NOS1AP: variants seen among roughly 807,000 people sequenced by gnomAD.
The protein encoded by NOS1AP is nitric oxide synthase 1 adaptor protein.
In NOS1AP, 21 loss-of-function variants were observed where a neutral mutation model predicts 56.2. That is an observed-to-expected ratio of 0.37 (90% CI 0.26 to 0.54). NOS1AP has a LOEUF of 0.54. NOS1AP is among the 20% of genes least tolerant of loss of function. NOS1AP has a pLI of 0.84. For missense variants in NOS1AP, 522 were observed against 657.8 expected, an observed-to-expected ratio of 0.79 and a Z score of 2.26; for synonymous variants, 270 against 274.6, an observed-to-expected ratio of 0.98 and a Z score of 0.17.
intron 1 of NOS1AP, among the ~76,000 whole-genome samples, chr1:162,112,465 C>A (rs970285255): frequency 2.0e-5 from 3 of 152,162 alleles, no homozygotes; most frequent in African/African-American, 7.2e-5. Flanking sequence ...CCTCTGGGTT[C>A]CAATTGGTTT....
intron 2 of NOS1AP, among the ~76,000 whole-genome samples, chr1:162,167,521 C>G (rs1292029362): frequency 6.6e-6 from 1 of 152,214 alleles, no homozygotes; most frequent in Non-Finnish European, 1.5e-5. Context: ...GTCAGGACTT[C>G]CTCAACATAA....
chr1:162,074,712 C>A (rs1691732982), intron 1 of NOS1AP, among the ~76,000 whole-genome samples: 1 of 152,206 alleles, frequency 6.6e-6, no homozygotes, highest in Non-Finnish European at 1.5e-5. Flanking sequence ...CTTGGCTGGG[C>A]TGTTCTTCTG....
intron 2 of NOS1AP, among the ~76,000 whole-genome samples, chr1:162,199,624 GTGTGTGTGTGTGTGTGTCTGTGTGTA>G (rs1211158693): frequency 7.1e-5 from 10 of 141,262 alleles, no homozygotes; most frequent in Admixed American, 2.1e-4. Flanking sequence ...GTGTGTGTGT[GTGTGTGTGTGTGTGTGTCTGTGTGTA>G]AATTCTTGCA....
At chr1:162,219,833 G>A (rs1325944529) in intron 2 of NOS1AP, among the ~76,000 whole-genome samples, 2 of 152,248 alleles carry the variant, frequency 1.3e-5, no homozygotes, top group Non-Finnish European at 2.9e-5. Context: ...TTGCCTGTAA[G>A]TTTACCTTTC....
Position 162,344,456 on chromosome 1 carries a change from G to A in NOS1AP, c.595+480G>A, listed in dbSNP as rs1028379488. ...AAGTCTGTTAATCCTAGCACTTTGGGAGGCTGAGATGAGCAGATCACTTGA... is the reference window on the plus strand; with the variant it reads ...AAGTCTGTTAATCCTAGCACTTTGGAAGGCTGAGATGAGCAGATCACTTGA... On this transcript the variant is annotated intron_variant, in intron 6 of 9. Transcript: ENST00000361897. Among the ~76,000 whole-genome samples the A allele has an allele frequency of 1.3e-5, 2 of 151,802 alleles. 1 individual carries two copies. The highest frequency in any genetic ancestry group is 4.2e-4 in the South Asian group (2 of 4,812).
At chr1:162,334,706 G>A (rs115419047) in intron 5 of NOS1AP, among the ~76,000 whole-genome samples, 4 of 152,324 alleles carry the variant, frequency 2.6e-5, no homozygotes, top group Non-Finnish European at 4.4e-5. Flanking sequence ...ATTTATTAGA[G>A]TTACAAATAA....
At chr1:162,342,245 T>C (rs1158398638) in intron 5 of NOS1AP, among the ~76,000 whole-genome samples, 2 of 152,236 alleles carry the variant, frequency 1.3e-5, no homozygotes, top group Non-Finnish European at 2.9e-5. Context: ...AGAATATCTC[T>C]GGAGTTAGTC....
At chr1:162,234,293 C>A (rs777787720) in intron 2 of NOS1AP, among the ~76,000 whole-genome samples, 1 of 152,000 alleles carries the variant, frequency 6.6e-6, no homozygotes, top group African/African-American at 2.4e-5. Flanking sequence ...TTTAAAGGAG[C>A]GAGGGTAGGA....
chr1:162,112,032 C>T (rs7512106), intron 1 of NOS1AP, among the ~76,000 whole-genome samples: 34,979 of 152,110 alleles, frequency 0.23, 4,892 homozygotes, highest in South Asian at 0.56. Flanking sequence ...CTTCGTGCTC[C>T]GACTCTTCTC....
intron 2 of NOS1AP, among the ~76,000 whole-genome samples, chr1:162,154,775 G>A (rs1015955287): frequency 7.2e-5 from 11 of 152,098 alleles, no homozygotes; most frequent in Non-Finnish European, 1.6e-4. Context: ...AGGGACTGAT[G>A]TCTCTTTTTT....
intron 2 of NOS1AP, among the ~76,000 whole-genome samples, chr1:162,219,415 C>T (rs1652692870): frequency 6.6e-6 from 1 of 152,114 alleles, no homozygotes; most frequent in Non-Finnish European, 1.5e-5. Flanking sequence ...GTCCTTCTGC[C>T]TCTTTCTTTT....
chr1:162,337,853 A>T (rs449137), intron 5 of NOS1AP, among the ~76,000 whole-genome samples: 151,923 of 152,366 alleles, frequency 1, 75,742 homozygotes, highest in Non-Finnish European at 1. Flanking sequence ...TCAAAGCCAC[A>T]AAATAATGTG....
chr1:162,348,302 G>T (rs1657369202), intron 6 of NOS1AP, among the ~76,000 whole-genome samples: 1 of 152,186 alleles, frequency 6.6e-6, no homozygotes, highest in African/African-American at 2.4e-5. Context: ...ATGACACTTG[G>T]TGTCAGGGGA....
At chr1:162,093,318 A>G (rs1366320428) in intron 1 of NOS1AP, among the ~76,000 whole-genome samples, 3 of 152,242 alleles carry the variant, frequency 2.0e-5, no homozygotes, top group Non-Finnish European at 2.9e-5. Flanking sequence ...TGTTAGGGAC[A>G]TAAACTTGAA....
At chr1:162,111,432 G>A (rs368812461) in intron 1 of NOS1AP, among the ~76,000 whole-genome samples, 25 of 152,304 alleles carry the variant, frequency 1.6e-4, no homozygotes, top group East Asian at 5.8e-4. Flanking sequence ...GCCTTTGACC[G>A]TGGAGGAGAG....
chr1:162,246,048 G>T (rs1395201266), intron 2 of NOS1AP, among the ~76,000 whole-genome samples: 1 of 152,088 alleles, frequency 6.6e-6, no homozygotes, highest in African/African-American at 2.4e-5. Context: ...GTGCCCTTAG[G>T]GCTACAATTC....
At chr1:162,319,221 T>C (rs1338069168) in intron 4 of NOS1AP, among the ~76,000 whole-genome samples, 3 of 152,180 alleles carry the variant, frequency 2.0e-5, no homozygotes, top group Non-Finnish European at 4.4e-5. Flanking sequence ...AGCTCACAAA[T>C]GTAAGCAGCA....
chr1:162,095,780 T>G (rs1692227874), intron 1 of NOS1AP, among the ~76,000 whole-genome samples: 2 of 152,224 alleles, frequency 1.3e-5, no homozygotes, highest in Non-Finnish European at 2.9e-5. Context: ...AGCAAGTCAC[T>G]TAATCTTTGT....
chr1:162,148,071 C>A (rs952415670), intron 1 of NOS1AP, among the ~76,000 whole-genome samples: 4 of 152,098 alleles, frequency 2.6e-5, no homozygotes, highest in African/African-American at 9.7e-5. Context: ...TGGCTTAGGT[C>A]CAATTGAAGT....
Sources: allele counts gnomAD v4.1 joint callset (sites outside exome capture counted in the v4.1 genomes callset), GRCh38; gene constraint gnomAD v4.1.1; transcripts MANE v1.5; gene names NCBI Gene and HGNC (gene_info 2026-07-23, HGNC 2026-07-21).